COL14A1: variants seen among roughly 807,000 people sequenced by gnomAD.
The protein encoded by COL14A1 is collagen type XIV alpha 1 chain.
In COL14A1, 136 loss-of-function variants were observed where a neutral mutation model predicts 230.3. That is an observed-to-expected ratio of 0.59 (90% CI 0.51 to 0.68). The LOEUF is 0.68. Ranked by LOEUF, COL14A1 falls within the 30% of genes least tolerant of loss-of-function variation. The probability of loss-of-function intolerance (pLI) is 0.00; values close to 1 mark genes in which losing one functional copy is unlikely to be tolerated. For synonymous variants in COL14A1, 792 were observed against 784.1 expected (o/e 1.01, Z -0.17); for missense variants, 1,976 against 2,215.8 (o/e 0.89, Z 2.17).
Position 120,291,943 on chromosome 8 carries a change from CTGA to C in COL14A1, c.4236+2181_4236+2183del, listed in dbSNP as rs781159461. On this transcript the variant is annotated intron_variant, in intron 34 of 47. Coordinates refer to ENST00000297848, the MANE Select transcript of COL14A1 (RefSeq NM_021110.4). ...CCTACATCACAGTGTCTACTCAATA[CTGA>C]TGAACAGAGTAAGTTCTCAAGAAAC... Among the ~76,000 whole-genome samples the C allele has an allele frequency of 1.1e-4, 16 of 152,106 alleles. 1 individual carries two copies. Among genetic ancestry groups the C allele is most frequent in the Non-Finnish European group, 2.2e-4 (15 of 68,020 alleles).
chr8:120,254,552 A>G (rs1283311666), intron 22 of COL14A1, among the ~76,000 whole-genome samples: 3 of 152,192 alleles, frequency 2.0e-5, no homozygotes, highest in East Asian at 3.9e-4. Flanking sequence ...CTTTTTTATT[A>G]TACAAGTATT....
At chr8:120,190,858 G>C (rs904131516) in intron 5 of COL14A1, among the ~76,000 whole-genome samples, 3 of 151,964 alleles carry the variant, frequency 2.0e-5, no homozygotes, top group Non-Finnish European at 4.4e-5. Context: ...TTCTCTGATG[G>C]TAGTTTGTAT....
At chr8:120,267,881 G>T (rs906455833) in intron 25 of COL14A1, among the ~76,000 whole-genome samples, 1 of 151,756 alleles carries the variant, frequency 6.6e-6, no homozygotes, top group African/African-American at 2.4e-5. Flanking sequence ...TAGGGAGGAT[G>T]GACTAGAAGA....
At chr8:120,147,254 A>G (rs1815127404) in intron 1 of COL14A1, among the ~76,000 whole-genome samples, 1 of 151,990 alleles carries the variant, frequency 6.6e-6, no homozygotes, top group Admixed American at 6.6e-5. Context: ...AGATTCACTT[A>G]TATTAGGAAA....
At chr8:120,184,224 G>GATAGATTTATTT (rs1554603427) in intron 5 of COL14A1, among the ~76,000 whole-genome samples, 1 of 135,574 alleles carries the variant, frequency 7.4e-6, no homozygotes, top group African/African-American at 2.8e-5. Context: ...GGGGGGAAGA[G>GATAGATTTATTT]ATTTATTTAT....
At chr8:120,232,119 A>G (rs1050019790) in intron 19 of COL14A1, 6 of 152,286 alleles carry the variant, frequency 3.9e-5, no homozygotes, top group Non-Finnish European at 7.3e-5. Context: ...ATTGACATCA[A>G]CTCGTATTGA....
Position 120,255,354 on chromosome 8 carries a change from A to G in COL14A1, c.2867A>G (p.Gln956Arg), listed in dbSNP as rs368987035. The change falls in exon 23 of 48, where the codon CAG becomes CGG. Residue 956 changes from glutamine (Q) to arginine (R), a missense_variant and splice_region_variant. Gln to Arg is a conservative substitution (Grantham distance 43). Coordinates refer to ENST00000297848, the MANE Select transcript of COL14A1 (RefSeq NM_021110.4). ...TAYRVVIESL[Q>R]DRQKQESTVG... is the part of the protein sequence containing the mutation. Reference sequence around the variant, plus strand: ...TATAGGGTTGTTATAGAATCCCTCCAGGGTGAGTACAATCCATCACTTACG... The same window carrying G: ...TATAGGGTTGTTATAGAATCCCTCCGGGGTGAGTACAATCCATCACTTACG... 6.9e-6 allele frequency: 11 copies of G among 1,603,112 alleles called. No individual in the cohort carries two copies. Among genetic ancestry groups the G allele is most frequent in the African/African-American group, 2.7e-5 (2 of 74,722 alleles).
At chr8:120,153,361 A>G (rs78193580) in intron 2 of COL14A1, among the ~76,000 whole-genome samples, 3,815 of 151,934 alleles carry the variant, frequency 0.025, 55 homozygotes, top group African/African-American at 0.039. Flanking sequence ...TTTTGTATAT[A>G]CTTTTTAGAG....
At chr8:120,186,425 G>A (rs1224683685) in intron 5 of COL14A1, among the ~76,000 whole-genome samples, 1 of 152,176 alleles carries the variant, frequency 6.6e-6, no homozygotes, top group African/African-American at 2.4e-5. Flanking sequence ...GAATGGCTGA[G>A]GCTGATATTT....
chr8:120,369,439 G>T lies in COL14A1; in HGVS notation c.5265G>T (p.Gln1755His), dbSNP rs559380244. The T allele has an allele frequency of 1.6e-5, 25 of 1,609,660 alleles. 2 individuals carry two copies. The South Asian group carries it at 2.8e-4, about 18-fold the overall frequency. Residue 1755 changes from glutamine to histidine, a missense_variant, in exon 47 of 48, where the codon CAG becomes CAT. Transcript: ENST00000297848. ...GVPGPQGPSG[Q>H]PGYCDPSSCS... ...CTGGACCCCAAGGTCCTTCTGGCCA[G>T]CCTGGATATTGTGACCCCTCATCAT...
intron 40 of COL14A1, among the ~76,000 whole-genome samples, chr8:120,322,855 A>T (rs994706161): frequency 6.6e-6 from 1 of 152,156 alleles, no homozygotes; most frequent in African/African-American, 2.4e-5. Flanking sequence ...GCTGCAATGA[A>T]CCCACCCACA....
At chr8:120,184,434 TA>T in intron 5 of COL14A1, among the ~76,000 whole-genome samples, 1 of 152,052 alleles carries the variant, frequency 6.6e-6, no homozygotes, top group South Asian at 2.1e-4. Context: ...TTTGTATTTT[TA>T]GTAGAGATGG....
At chr8:120,232,472 G>A (rs1818305372) in intron 19 of COL14A1, among the ~76,000 whole-genome samples, 1 of 152,070 alleles carries the variant, frequency 6.6e-6, no homozygotes, top group South Asian at 2.1e-4. Context: ...CTGTGTCCAT[G>A]TGTTCTCATT....
rs752348427 is a variant in COL14A1, at chr8:120,342,373, C to T, written c.4822-7C>T. On this transcript the variant is annotated splice_polypyrimidine_tract_variant and splice_region_variant and intron_variant, in intron 43 of 47. Transcript: ENST00000297848. The stretch of plus-strand genomic sequence containing the variant: ...TGAGTCAGGAGTATGCTTTTTTTCT[C>T]ATCCAGGGTGACCTGCAGTCTCAAG... The T allele has an allele frequency of 3.7e-6, 6 of 1,613,708 alleles. No individual in the cohort carries two copies. The highest frequency in any genetic ancestry group is 5.1e-6 in the Non-Finnish European group (6 of 1,179,744).
chr8:120,370,514 A>G, intron 47 of COL14A1: 1 of 1,488,650 alleles, frequency 6.7e-7, no homozygotes, highest in Non-Finnish European at 8.9e-7. Flanking sequence ...CTGCCTTCCC[A>G]CTTTCAAACC....
intron 1 of COL14A1, among the ~76,000 whole-genome samples, chr8:120,135,222 G>T (rs1392954165): frequency 6.6e-6 from 1 of 151,990 alleles, no homozygotes; most frequent in Non-Finnish European, 1.5e-5. Context: ...TATATAAACT[G>T]GCATAATCTC....
intron 3 of COL14A1, among the ~76,000 whole-genome samples, chr8:120,160,591 A>G (rs372753290): frequency 6.2e-4 from 94 of 152,366 alleles, no homozygotes; most frequent in African/African-American, 2.1e-3. Context: ...TTATTTCTTC[A>G]TAAATGCTAG....
At chr8:120,215,648 A>G (rs1283039375) in intron 13 of COL14A1, among the ~76,000 whole-genome samples, 1 of 152,174 alleles carries the variant, frequency 6.6e-6, no homozygotes, top group Admixed American at 6.5e-5. Flanking sequence ...CAAAAATCCA[A>G]GCCAAGAGGG....
intron 19 of COL14A1, among the ~76,000 whole-genome samples, chr8:120,233,925 T>C (rs11992238): frequency 0.59 from 89,366 of 152,140 alleles, 27,626 homozygotes; most frequent in East Asian, 0.79. Context: ...GCCATTTTTA[T>C]GATATTGATT....
Sources: gnomAD v4.1 joint callset for allele counts (sites outside exome capture counted in the v4.1 genomes callset) on GRCh38, gnomAD v4.1.1 for gene constraint, MANE v1.5 for transcripts, NCBI Gene and HGNC (gene_info 2026-07-23, HGNC 2026-07-21) for gene names.